Variants in METAP1 observed in about 807,000 individuals in gnomAD.
The protein encoded by METAP1 is methionine aminopeptidase 1.
In METAP1, 28 loss-of-function variants were observed where a neutral mutation model predicts 53.8. That is an observed-to-expected ratio of 0.52 (90% CI 0.39 to 0.71). The LOEUF is 0.71. METAP1 is among the 30% of genes least tolerant of loss of function. The pLI, the probability that METAP1 is intolerant of heterozygous loss-of-function variation, is 0.00. For synonymous variants in METAP1, 181 were observed against 165.7 expected (o/e 1.09, Z -0.71); for missense variants, 389 against 479.8 (o/e 0.81, Z 1.77).
chr4:99,039,898 T>A (rs1359591195), intron 5 of METAP1, among the ~76,000 whole-genome samples: 1 of 152,144 alleles, frequency 6.6e-6, no homozygotes, highest in Non-Finnish European at 1.5e-5. Flanking sequence ...GGCCTTTTTT[T>A]GTATTTTTAG....
At chr4:99,002,733 T>A (rs2110275284) in intron 1 of METAP1, among the ~76,000 whole-genome samples, 1 of 152,298 alleles carries the variant, frequency 6.6e-6, no homozygotes. Flanking sequence ...TAAAGATTTC[T>A]TCCTGATACA....
chr4:99,038,913 C>T (rs1399784367), intron 4 of METAP1, among the ~76,000 whole-genome samples: 1 of 152,040 alleles, frequency 6.6e-6, no homozygotes, highest in East Asian at 1.9e-4. Flanking sequence ...TTAAGTGTAG[C>T]CTAATAAAAG....
chr4:99,041,970 G>A (rs961898852), intron 6 of METAP1, among the ~76,000 whole-genome samples: 2 of 151,820 alleles, frequency 1.3e-5, no homozygotes, highest in African/African-American at 2.4e-5. Flanking sequence ...AGCATTTTGA[G>A]TATGCTCTGT....
chr4:99,039,460 T>A lies in METAP1; in HGVS notation c.427T>A (p.Cys143Ser), dbSNP rs1295556630. ...AGATATAGAAGGGATGCGACTTGTA[T>A]GTAGGGTAAGAGTGATTTTTTCTCC... ...SEDIEGMRLV[C>S]RLAREVLDVA... The change falls in exon 5 of 11, where the codon TGT (cysteine) becomes AGT (serine). Residue 143 changes from cysteine to serine, a missense_variant. Coordinates refer to ENST00000296411, the MANE Select transcript of METAP1 (RefSeq NM_015143.3). 3 of 1,595,400 alleles carry A rather than the reference T, an allele frequency of 1.9e-6. No individual in the cohort carries two copies. Among genetic ancestry groups the A allele is most frequent in the Non-Finnish European group, 2.6e-6 (3 of 1,164,080 alleles).
At chr4:99,034,128 A>C in intron 2 of METAP1, 102 bp from the exon 3 acceptor site, 1 of 720,792 alleles carries the variant, frequency 1.4e-6, no homozygotes, top group Non-Finnish European at 2.4e-6. Context: ...GGTTTTAAAC[A>C]AGAGATATTC....
At chr4:99,046,006 T>G (rs1028289125) in intron 8 of METAP1, among the ~76,000 whole-genome samples, 1 of 152,240 alleles carries the variant, frequency 6.6e-6, no homozygotes, top group African/African-American at 2.4e-5. Flanking sequence ...TTTCTTACTA[T>G]TGTAGTAATG....
intron 1 of METAP1, chr4:99,026,696 A>G: frequency 8.1e-6 from 8 of 985,406 alleles, no homozygotes; most frequent in Non-Finnish European, 8.4e-6. Context: ...CTACTGGGGA[A>G]TAAGAGGAAG....
chr4:99,019,647 G>C (rs959269690), intron 1 of METAP1, among the ~76,000 whole-genome samples: 12 of 152,140 alleles, frequency 7.9e-5, no homozygotes, highest in African/African-American at 2.9e-4. Context: ...TTTGGTCCTA[G>C]TGAAATCTGC....
intron 2 of METAP1, 82 bp from the exon 3 acceptor site, chr4:99,034,148 T>A (rs1725263079): frequency 1.2e-6 from 1 of 823,168 alleles, no homozygotes; most frequent in Non-Finnish European, 2.0e-6. Flanking sequence ...CAAAGTATGC[T>A]GCTGCTCATT....
At chr4:99,045,738 T>C (rs1726177658) in intron 8 of METAP1, among the ~76,000 whole-genome samples, 1 of 152,216 alleles carries the variant, frequency 6.6e-6, no homozygotes, top group Non-Finnish European at 1.5e-5. Flanking sequence ...TCTAGAGATA[T>C]CCCATTACCG....
Position 99,049,026 on chromosome 4 carries a change from C to T in METAP1, c.931+150C>T, listed in dbSNP as rs1206983239. On this transcript the variant is annotated intron_variant, in intron 9 of 10. Transcript: ENST00000296411. ...CCCAAAATGTGTATTTGCTGAAACA[C>T]AGTGCAAGTTCGTATCTTACTCACA... 11 of 1,033,868 alleles carry T rather than the reference C, an allele frequency of 1.1e-5. No homozygotes were observed. In the East Asian group the frequency reaches 2.4e-4, roughly 23 times the overall value. The allele number at this position is 1,033,868 out of a possible 1,614,324, so 64.0% of individuals were successfully genotyped here.
Position 98,995,734 on chromosome 4 carries a change from T to C in METAP1, c.-20T>C. 2 of 1,542,012 alleles carry C rather than the reference T, an allele frequency of 1.3e-6. No individual in the cohort carries two copies. The highest frequency in any genetic ancestry group is 1.8e-6 in the Non-Finnish European group (2 of 1,141,448). On this transcript the variant is annotated 5_prime_UTR_variant, in exon 1 of 11. Transcript: ENST00000296411. ...CGCCGCCTCTTCCTCGGTGAGGCGC[T>C]CTTCCAGCGGGCAGGCAGCATGGCG...
At chr4:99,040,862 T>A (rs960563382) in intron 5 of METAP1, among the ~76,000 whole-genome samples, 181 bp from the exon 6 acceptor site, 2 of 151,330 alleles carry the variant, frequency 1.3e-5, no homozygotes, top group Non-Finnish European at 2.9e-5. Context: ...AACCCAATTT[T>A]TATATAAAAT....
chr4:99,043,477 T>C, intron 7 of METAP1, 90 bp downstream of exon 7: 1 of 1,328,644 alleles, frequency 7.5e-7, no homozygotes, highest in Non-Finnish European at 1.0e-6. Context: ...CTTGACTTGC[T>C]TCCTGTACTT....
At chr4:99,011,551 G>T (rs1242020249) in intron 1 of METAP1, among the ~76,000 whole-genome samples, 1 of 152,154 alleles carries the variant, frequency 6.6e-6, no homozygotes, top group Non-Finnish European at 1.5e-5. Flanking sequence ...GAATTTATTT[G>T]TTAGTGTTTT....
intron 1 of METAP1, among the ~76,000 whole-genome samples, chr4:99,014,681 G>T (rs1160770478): frequency 2.0e-5 from 3 of 152,132 alleles, no homozygotes; most frequent in African/African-American, 7.2e-5. Flanking sequence ...TCCTATTTTT[G>T]TTGATGAAAT....
chr4:98,999,574 G>C (rs904876313), intron 1 of METAP1, among the ~76,000 whole-genome samples: 2 of 137,284 alleles, frequency 1.5e-5, no homozygotes, highest in African/African-American at 5.5e-5. Context: ...GCAGTGGTGT[G>C]ATCTCGGCTC....
intron 1 of METAP1, among the ~76,000 whole-genome samples, chr4:99,007,331 G>A (rs1205924193): frequency 1.3e-5 from 2 of 152,160 alleles, no homozygotes; most frequent in African/African-American, 2.4e-5. Context: ...GCACAGAGTG[G>A]CTGGTGGTTC....
At chr4:99,009,059 G>T (rs1723336475) in intron 1 of METAP1, among the ~76,000 whole-genome samples, 1 of 152,022 alleles carries the variant, frequency 6.6e-6, no homozygotes, top group Non-Finnish European at 1.5e-5. Context: ...CAAACCCCTG[G>T]TAACTACTAT....
Sources: allele counts gnomAD v4.1 joint callset (sites outside exome capture counted in the v4.1 genomes callset), GRCh38; gene constraint gnomAD v4.1.1; transcripts MANE v1.5; gene names NCBI Gene and HGNC (gene_info 2026-07-23, HGNC 2026-07-21).